SLC16A4: variants seen among roughly 807,000 people sequenced by gnomAD.
The protein encoded by SLC16A4 is probable monocarboxylate transporter 5.
Under a neutral mutation model 47.9 loss-of-function variants are expected in SLC16A4, and 39 were observed. The ratio of observed to expected loss-of-function variants is 0.81; its 90% CI spans 0.63 to 1.06. The LOEUF (loss-of-function observed/expected upper bound fraction) is 1.06. SLC16A4 is among the 50% of genes least tolerant of loss of function. The pLI is 0.00. For missense variants in SLC16A4, 524 were observed against 573.8 expected (o/e 0.91, Z 0.89); for synonymous variants, 189 against 199.9 (o/e 0.95, Z 0.46).
chr1:110,374,009 A>ATATATATATATATATATATATCTT (rs766941005), intron 8 of SLC16A4, among the ~76,000 whole-genome samples: 2 of 150,354 alleles, frequency 1.3e-5, no homozygotes, highest in Non-Finnish European at 1.5e-5. Flanking sequence ...TCCTTAGTTT[A>ATATATATATATATATATATATCTT]TAGTCTCCTT....
intron 8 of SLC16A4, among the ~76,000 whole-genome samples, chr1:110,374,316 C>T (rs1018614395): frequency 1.1e-4 from 16 of 152,224 alleles, no homozygotes; most frequent in Admixed American, 1.0e-3. Flanking sequence ...GCTGGGATTA[C>T]AGGCATGAGC....
chr1:110,379,327 A>T lies in SLC16A4; in HGVS notation c.556T>A (p.Leu186Met). 6.2e-7 allele frequency: 1 copy of T among 1,605,024 alleles called. No individual in the cohort carries two copies. The highest frequency in any genetic ancestry group is 1.1e-5 in the South Asian group (1 of 90,810). Residue 186 changes from leucine (L) to methionine (M), a missense_variant, in exon 6 of 9, where the codon TTG (leucine) becomes ATG (methionine). Leu to Met is a conservative substitution (Grantham distance 15, BLOSUM62 2). Transcript: ENST00000369779. ...AGCATACTAGAAGGCACCAAATTCA[A>T]TGCGATAGCTCCAAATAATATAAGG... ...GALILFGAIA[L>M]NLVPSSMLLR...
rs772935813 is a variant in SLC16A4 at position 110,382,958 on chromosome 1, C to T, written c.96G>A (p.Val32=). The change falls in exon 3 of 9, where the codon GTG becomes GTA. Residue 32 remains valine (V), a synonymous_variant. Coordinates refer to ENST00000369779, the MANE Select transcript of SLC16A4 (RefSeq NM_004696.3). Reference sequence around the variant, plus strand: ...AAGTCTTGGTCATCCCCATCACAAACACATTCACCTAAATCAAAGCAGACC... The same window carrying T: ...AAGTCTTGGTCATCCCCATCACAAATACATTCACCTAAATCAAAGCAGACC... ...MIVIHFFLVN[V]FVMGMTKTFA... is the part of the protein sequence containing the mutation. The T allele has an allele frequency of 1.2e-6, 2 of 1,608,450 alleles. No individual in the cohort carries two copies. The highest frequency in any genetic ancestry group is 2.2e-5 in the East Asian group (1 of 44,816).
In SLC16A4 at chr1:110,379,103, T is replaced by G; in HGVS notation, c.780A>C (p.Glu260Asp). Residue 260 changes from glutamate (E) to aspartate (D), a missense_variant, in exon 6 of 9, where the codon GAA becomes GAC. Transcript: ENST00000369779. ...TCCTGTTAGGCCCATTGTAGAACTC[T>G]TCACTTTGATTTTGTGAGACTGTTA... ...KNLTVSQNQS[E>D]EFYNGPNRNR... 1 of 1,614,230 alleles carries G rather than the reference T, an allele frequency of 6.2e-7. No homozygotes were observed. Among genetic ancestry groups the G allele is most frequent in the Non-Finnish European group, 8.5e-7 (1 of 1,180,022 alleles).
intron 8 of SLC16A4, among the ~76,000 whole-genome samples, chr1:110,368,606 T>C (rs562413259): frequency 6.6e-6 from 1 of 152,358 alleles, no homozygotes; most frequent in East Asian, 1.9e-4. Flanking sequence ...GTCCAGACTC[T>C]TTTCTTATAT....
chr1:110,389,261 C>A lies in SLC16A4; in HGVS notation c.63G>T (p.Trp21Cys). ...CCAGGAAAAAATGAATCACAATCATCCATCCCCATCCTCCATCCAGGGTTT... is the reference window on the plus strand; with the variant it reads ...CCAGGAAAAAATGAATCACAATCATACATCCCCATCCTCCATCCAGGGTTT... The part of the protein sequence containing the change: ...YTKTLDGGWG[W>C]MIVIHFFLVN... The change falls in exon 2 of 9, where the codon TGG (tryptophan) becomes TGT (cysteine). Residue 21 changes from tryptophan to cysteine, a missense_variant. Physicochemically the swap from Trp to Cys is radical, Grantham distance 215 (BLOSUM62 -2). Transcript: ENST00000369779. 1 of 1,613,904 alleles carries A rather than the reference C, an allele frequency of 6.2e-7. No individual in the cohort carries two copies. The highest frequency in any genetic ancestry group is 8.5e-7 in the Non-Finnish European group (1 of 1,179,752).
At chr1:110,374,132 C>T (rs530277772) in intron 8 of SLC16A4, among the ~76,000 whole-genome samples, 31 of 151,200 alleles carry the variant, frequency 2.1e-4, no homozygotes, top group Admixed American at 7.9e-4. Context: ...CTCTGTCCCC[C>T]GGGTTCAAGC....
chr1:110,374,801 C>T (rs1301825250), intron 8 of SLC16A4, among the ~76,000 whole-genome samples: 1 of 152,238 alleles, frequency 6.6e-6, no homozygotes, highest in Non-Finnish European at 1.5e-5. Context: ...GGCCAAGTAT[C>T]CTCCCATCCT....
intron 5 of SLC16A4, 35 bp from the exon 6 acceptor site, chr1:110,379,391 C>G: frequency 1.3e-6 from 2 of 1,556,424 alleles, no homozygotes; most frequent in Non-Finnish European, 1.7e-6. Context: ...TAAAAATAGC[C>G]TTTCAGTTCA....
rs773314996 is a variant in SLC16A4, at chr1:110,377,054, T to G, written c.1138A>C (p.Asn380His). The change falls in exon 7 of 9, where the codon AAC becomes CAC. Residue 380 changes from asparagine to histidine, a missense_variant. By Grantham distance (68) the Asn-to-His change is moderately conservative (BLOSUM62 1). Transcript: ENST00000369779. ...GTGGTGGCTAAAGGAGCAAGCAGGTTAGTGATGCCGCAGAGGATGAGGTAA... is the reference window on the plus strand; with the variant it reads ...GTGGTGGCTAAAGGAGCAAGCAGGTGAGTGATGCCGCAGAGGATGAGGTAA... The part of the protein sequence containing the change: ...KSYLILCGIT[N>H]LLAPLATTFP... 6.2e-7 allele frequency: 1 copy of G among 1,614,142 alleles called. No individual in the cohort carries two copies. Among genetic ancestry groups the G allele is most frequent in the Admixed American group, 1.7e-5 (1 of 60,008 alleles).
At position 110,375,510 on chromosome 1, in the gene SLC16A4, T is replaced by C; in HGVS notation, c.1284A>G (p.Gly428=). Residue 428 remains glycine (G), a synonymous_variant, in exon 8 of 9, where the codon GGA becomes GGG. Coordinates refer to ENST00000369779, the MANE Select transcript of SLC16A4 (RefSeq NM_004696.3). ...CRNSTVNRFL[G]LASFFAGMAV... is the part of the protein sequence containing the mutation. The stretch of plus-strand genomic sequence containing the variant: ...CCATCCCAGCAAAGAAACTGGCAAG[T>C]CCCAAAAACCTGTTTACTGTAGAAT... 1 of 1,613,370 alleles carries C rather than the reference T, an allele frequency of 6.2e-7. No homozygotes were observed. Among genetic ancestry groups the C allele is most frequent in the Non-Finnish European group, 8.5e-7 (1 of 1,179,334 alleles).
At chr1:110,384,929 C>T (rs966322556) in intron 2 of SLC16A4, among the ~76,000 whole-genome samples, 2 of 152,158 alleles carry the variant, frequency 1.3e-5, no homozygotes, top group African/African-American at 4.8e-5. Context: ...GGGAGGAACA[C>T]CTGAACCTGG....
chr1:110,383,805 G>GGTTT (rs1557913543), intron 2 of SLC16A4, among the ~76,000 whole-genome samples: 4 of 65,738 alleles, frequency 6.1e-5, no homozygotes, highest in Admixed American at 2.1e-4. Context: ...TTAAAAGGAG[G>GGTTT]TTTTTTTTTT....
rs1663003874 is a variant in SLC16A4 at position 110,390,872 on chromosome 1, G to A, written c.-40C>T. On this transcript the variant is annotated 5_prime_UTR_variant, in exon 1 of 9. Transcript: ENST00000369779. ...GTCCCATTCCCATCTTACCTTTGAT[G>A]TGGTGTTCAGCAAAGAAATCCTCCA... 1.3e-5 allele frequency: 2 copies of A among 152,212 alleles called. No individual in the cohort carries two copies. Among genetic ancestry groups the A allele is most frequent in the African/African-American group, 2.4e-5 (1 of 41,462 alleles). 9.4% of individuals were successfully genotyped at this position (152,212 alleles called of 1,614,324 possible).
intron 2 of SLC16A4, among the ~76,000 whole-genome samples, chr1:110,387,341 ATCTC>A (rs918157252): frequency 7.2e-5 from 11 of 152,270 alleles, no homozygotes; most frequent in South Asian, 6.2e-4. Flanking sequence ...GTTAGAATGA[ATCTC>A]TCTCTCTTTT....
rs1557909360 is a variant in SLC16A4 at position 110,379,217 on chromosome 1, T to A, written c.666A>T (p.Ala222=). 3 of 1,614,230 alleles carry A rather than the reference T, an allele frequency of 1.9e-6. No homozygotes were observed. The highest frequency in any genetic ancestry group is 2.5e-6 in the Non-Finnish European group (3 of 1,180,040). The stretch of plus-strand genomic sequence containing the variant: ...CATGGCAGTGTGTTTCTGTTGCATG[T>A]GCCTCTGGACCATGTGCAGACAAAC... ...GSSLSAHGPE[A]HATETHCHET... Residue 222 remains alanine, a synonymous_variant, in exon 6 of 9, where the codon GCA becomes GCT. Transcript: ENST00000369779.
chr1:110,385,415 T>G (rs776084607), intron 2 of SLC16A4, among the ~76,000 whole-genome samples: 1 of 152,266 alleles, frequency 6.6e-6, no homozygotes, highest in Non-Finnish European at 1.5e-5. Flanking sequence ...AACAATTAAC[T>G]GTGGTTTCCA....
rs546259374 is a variant in SLC16A4, at chr1:110,389,907, G to T, written c.-32-552C>A. Among the ~76,000 whole-genome samples, 3 of 152,260 alleles carry T rather than the reference G, an allele frequency of 2.0e-5. No homozygotes were observed. The East Asian group carries it at 5.8e-4, about 29-fold the overall frequency. On this transcript the variant is annotated intron_variant, in intron 1 of 8. Coordinates refer to ENST00000369779, the MANE Select transcript of SLC16A4 (RefSeq NM_004696.3). ...CACTGGGGACTACAAGATAGGGAGGGAGGAGGGTTGAAAAACTCCCTATTG... is the reference window on the plus strand; with the variant it reads ...CACTGGGGACTACAAGATAGGGAGGTAGGAGGGTTGAAAAACTCCCTATTG...
intron 8 of SLC16A4, among the ~76,000 whole-genome samples, chr1:110,364,338 C>T (rs970915511): frequency 2.0e-5 from 3 of 151,958 alleles, no homozygotes; most frequent in African/African-American, 7.3e-5. Context: ...GGTCCTTGCC[C>T]TCACAGAACT....
Sources: allele counts gnomAD v4.1 joint callset (sites outside exome capture counted in the v4.1 genomes callset), GRCh38; gene constraint gnomAD v4.1.1; transcripts MANE v1.5; gene names NCBI Gene and HGNC (gene_info 2026-07-23, HGNC 2026-07-21).